The following ROBO2 variants were observed in gnomAD, a reference collection of about 807,000 sequenced individuals.
ROBO2 encodes the protein roundabout guidance receptor 2.
A neutral mutation model predicts 160.8 loss-of-function variants in ROBO2; 53 were observed. The observed-to-expected ratio is 0.33, with a 90% CI of 0.26 to 0.41. ROBO2 has a LOEUF of 0.41. Ranked by LOEUF, ROBO2 falls within the 10% of genes least tolerant of loss-of-function variation. ROBO2 has a pLI of 1.00. For missense variants in ROBO2, 1,577 were observed against 1,722.4 expected, an observed-to-expected ratio of 0.92 and a Z score of 1.49; for synonymous variants, 664 against 611.7, an observed-to-expected ratio of 1.09 and a Z score of -1.26.
chr3:76,811,610 C>T (rs1274513151), intron 2 of ROBO2, among the ~76,000 whole-genome samples: 3 of 152,126 alleles, frequency 2.0e-5, no homozygotes, highest in Admixed American at 6.5e-5. Flanking sequence ...GCATTTTTAG[C>T]TCTGGGCCTT....
Position 76,008,976 on chromosome 3 carries a change from C to T in ROBO2, c.109+71374C>T, listed in dbSNP as rs542745186. Among the ~76,000 whole-genome samples the T allele has an allele frequency of 2.0e-5, 3 of 152,164 alleles. No homozygotes were observed. In the East Asian group the frequency reaches 5.8e-4, roughly 29 times the overall value. On this transcript the variant is annotated intron_variant, in intron 2 of 26. Transcript: ENST00000487694. ...GAGGGAGTATGATCTAATGGTAATA[C>T]GCTGGGGGAACTTAGCAAGGCCTGT...
At chr3:77,568,534 C>T (rs749953048) in intron 13 of ROBO2, 100 bp downstream of exon 14, 145 of 1,408,202 alleles carry the variant, frequency 1.0e-4, no homozygotes, top group Non-Finnish European at 1.3e-4. Flanking sequence ...AAAATTCCCG[C>T]CATTTAAAAT....
chr3:76,890,980 C>G (rs1205111714), intron 2 of ROBO2, among the ~76,000 whole-genome samples: 1 of 152,030 alleles, frequency 6.6e-6, no homozygotes, highest in Non-Finnish European at 1.5e-5. Flanking sequence ...TAAGACAAAT[C>G]TTTCTTTTCT....
intron 2 of ROBO2, among the ~76,000 whole-genome samples, chr3:76,623,627 T>G (rs2089394655): frequency 6.6e-6 from 1 of 152,242 alleles, no homozygotes; most frequent in African/African-American, 2.4e-5. Context: ...CGTCATGCAC[T>G]GCAGCCTTAA....
At chr3:76,279,364 C>A (rs1708110721) in intron 2 of ROBO2, among the ~76,000 whole-genome samples, 1 of 151,774 alleles carries the variant, frequency 6.6e-6, no homozygotes. Context: ...GAAAATATAA[C>A]TCCAAGTGAT....
chr3:76,516,669 A>G (rs1047032048), intron 2 of ROBO2, among the ~76,000 whole-genome samples: 4 of 152,162 alleles, frequency 2.6e-5, no homozygotes, highest in Non-Finnish European at 5.9e-5. Flanking sequence ...ATCATAGAAT[A>G]TTATAACTAA....
chr3:76,750,735 C>A (rs2093970867), intron 2 of ROBO2, among the ~76,000 whole-genome samples: 1 of 152,054 alleles, frequency 6.6e-6, no homozygotes, highest in Non-Finnish European at 1.5e-5. Flanking sequence ...ATCCAACTTA[C>A]AAGGGATGTG....
intron 2 of ROBO2, among the ~76,000 whole-genome samples, chr3:77,326,444 G>A (rs987597634): frequency 1.3e-5 from 2 of 152,110 alleles, no homozygotes; most frequent in Non-Finnish European, 2.9e-5. Context: ...CATTTCTAAG[G>A]AATGCATTTG....
rs78617172 is a variant in ROBO2, at chr3:76,043,973, T to G, written c.109+106371T>G. ...TACATCACGATGTTGAGTGGTGGTG[T>G]TTTACACCCCAATGTCCCATAAACA... is the stretch of plus-strand genomic sequence containing the variant. On this transcript the variant is annotated intron_variant, in intron 2 of 26. Transcript: ENST00000487694. 7.0e-3 allele frequency among the ~76,000 whole-genome samples: 1,061 copies of G among 152,142 alleles called. 64 individuals are homozygous for G. In the East Asian group the frequency reaches 0.15, roughly 22 times the overall value.
chr3:77,446,913 G>C (rs1221113194), intron 2 of ROBO2, among the ~76,000 whole-genome samples: 1 of 152,050 alleles, frequency 6.6e-6, no homozygotes, highest in Non-Finnish European at 1.5e-5. Context: ...ACATCTGTTT[G>C]AGCAGAATGA....
At chr3:76,283,030 G>GA (rs201213156) in intron 2 of ROBO2, among the ~76,000 whole-genome samples, 5 of 133,696 alleles carry the variant, frequency 3.7e-5, no homozygotes, top group South Asian at 2.3e-4. Context: ...TTTATTTTAA[G>GA]AAAAAAAAAT....
At chr3:77,002,002 G>C (rs971354115) in intron 2 of ROBO2, among the ~76,000 whole-genome samples, 1 of 152,032 alleles carries the variant, frequency 6.6e-6, no homozygotes, top group African/African-American at 2.4e-5. Flanking sequence ...GCATTTTTAA[G>C]TTTACTATAT....
At position 76,965,785 on chromosome 3, in the gene ROBO2, G is replaced by GTATATA. The variant is rs62885160; in HGVS notation, c.110-132209_110-132204dup. On this transcript the variant is annotated intron_variant, in intron 2 of 26. Coordinates refer to the ROBO2 transcript ENST00000487694. ...CTATACCATTATTTATTGTGTTTGT[G>GTATATA]TATATATATATATATATATATATAT... Among the ~76,000 whole-genome samples the GTATATA allele has an allele frequency of 5.0e-3, 647 of 129,186 alleles. 8 individuals are homozygous for GTATATA. The highest frequency in any genetic ancestry group is 0.012 in the Middle Eastern group (3 of 256). The allele number at this position is 129,186 out of a possible 152,430, so 84.8% of individuals were successfully genotyped here. A position where few individuals can be genotyped will look rare whatever the true frequency, so the allele number is the denominator to read the frequency against.
At chr3:75,968,628 G>A (rs190889413) in intron 2 of ROBO2, among the ~76,000 whole-genome samples, 10 of 151,636 alleles carry the variant, frequency 6.6e-5, no homozygotes, top group Admixed American at 2.0e-4. Context: ...AAAATTTTCA[G>A]TACAGAATAC....
intron 2 of ROBO2, among the ~76,000 whole-genome samples, chr3:76,837,167 A>C (rs971835797): frequency 6.6e-6 from 1 of 151,928 alleles, no homozygotes; most frequent in Non-Finnish European, 1.5e-5. Flanking sequence ...CAGTTGAAGC[A>C]ATTTGATAGA....
intron 2 of ROBO2, among the ~76,000 whole-genome samples, chr3:77,324,106 A>G (rs1448383355): frequency 6.6e-6 from 1 of 152,290 alleles, no homozygotes; most frequent in East Asian, 1.9e-4. Context: ...GAGACTTTAG[A>G]TTAATGGTCA....
At chr3:76,791,413 T>G (rs2063340872) in intron 2 of ROBO2, among the ~76,000 whole-genome samples, 1 of 151,752 alleles carries the variant, frequency 6.6e-6, no homozygotes, top group African/African-American at 2.4e-5. Flanking sequence ...GGGTTATCAC[T>G]TCTGAAATTG....
intron 4 of ROBO2, among the ~76,000 whole-genome samples, chr3:77,486,619 T>A (rs1398067331): frequency 6.6e-6 from 1 of 152,296 alleles, no homozygotes; most frequent in South Asian, 2.1e-4. Flanking sequence ...GGTTGTTTGT[T>A]TTTTCTTGTA....
chr3:75,925,373 G>C (rs1223516205), intron 1 of ROBO2, among the ~76,000 whole-genome samples: 1 of 152,086 alleles, frequency 6.6e-6, no homozygotes, highest in Non-Finnish European at 1.5e-5. Context: ...GTGGGTAACA[G>C]AATGAGACCC....
Sources: gnomAD v4.1 joint callset for allele counts (sites outside exome capture counted in the v4.1 genomes callset) on GRCh38, gnomAD v4.1.1 for gene constraint, MANE v1.5 for transcripts, NCBI Gene and HGNC (gene_info 2026-07-23, HGNC 2026-07-21) for gene names.